The following KCNIP4 variants were observed in gnomAD, a reference collection of about 807,000 sequenced individuals.
KCNIP4 encodes potassium voltage-gated channel interacting protein 4.
A neutral mutation model predicts 34.0 loss-of-function variants in KCNIP4; 12 were observed. That is an observed-to-expected ratio of 0.35 (90% confidence interval 0.23 to 0.57). The LOEUF is 0.57. KCNIP4 is among the 20% of genes least tolerant of loss of function. The pLI, the probability that KCNIP4 is intolerant of heterozygous loss-of-function variation, is 0.83. For synonymous variants in KCNIP4, 124 were observed against 102.2 expected (o/e 1.21, Z -1.29); for missense variants, 238 against 311.7 (o/e 0.76, Z 1.78).
chr4:20,824,212 G>A (rs995377553), intron 3 of KCNIP4, among the ~76,000 whole-genome samples: 1 of 152,204 alleles, frequency 6.6e-6, no homozygotes, highest in Non-Finnish European at 1.5e-5. Context: ...GTGTCTGTGT[G>A]TGTGTATGTG....
At chr4:21,225,959 C>A in intron 1 of KCNIP4, among the ~76,000 whole-genome samples, 1 of 151,952 alleles carries the variant, frequency 6.6e-6, no homozygotes, top group Non-Finnish European at 1.5e-5. Flanking sequence ...CTTCAACAAT[C>A]TGTGACAAAG....
chr4:20,834,382 A>G (rs1239584861), intron 3 of KCNIP4, among the ~76,000 whole-genome samples: 1 of 152,222 alleles, frequency 6.6e-6, no homozygotes, highest in Non-Finnish European at 1.5e-5. Context: ...TGGGTAAGCC[A>G]GACAGCAGCA....
At chr4:21,139,097 G>T (rs1378187006) in intron 1 of KCNIP4, among the ~76,000 whole-genome samples, 2 of 152,098 alleles carry the variant, frequency 1.3e-5, no homozygotes, top group Admixed American at 6.5e-5. Flanking sequence ...TTTAACTTGG[G>T]TTTGCATGTT....
intron 1 of KCNIP4, among the ~76,000 whole-genome samples, chr4:21,823,062 T>C (rs1364891618): frequency 6.6e-6 from 1 of 152,094 alleles, no homozygotes; most frequent in Admixed American, 6.6e-5. Context: ...TTAAATATAA[T>C]TTTCCTGATT....
At chr4:21,717,042 A>C (rs1560659591) in intron 1 of KCNIP4, among the ~76,000 whole-genome samples, 1 of 152,030 alleles carries the variant, frequency 6.6e-6, no homozygotes, top group Non-Finnish European at 1.5e-5. Context: ...ATGCCTGCAA[A>C]TCTCACCTTT....
chr4:21,199,732 A>ACATGCACACACATGTTTATTGCAG (rs1560802750), intron 1 of KCNIP4, among the ~76,000 whole-genome samples: 1 of 151,116 alleles, frequency 6.6e-6, no homozygotes, highest in Non-Finnish European at 1.5e-5. Flanking sequence ...CTATAAAGAT[A>ACATGCACACACATGTTTATTGCAG]CATGCACACA....
chr4:21,253,844 T>C (rs1760882753), intron 1 of KCNIP4, among the ~76,000 whole-genome samples: 1 of 152,146 alleles, frequency 6.6e-6, no homozygotes, highest in African/African-American at 2.4e-5. Flanking sequence ...ACCAGCTAGA[T>C]ATGTGGGATG....
intron 1 of KCNIP4, among the ~76,000 whole-genome samples, chr4:21,156,774 T>G (rs1577802651): frequency 6.6e-6 from 1 of 151,990 alleles, no homozygotes; most frequent in East Asian, 1.9e-4. Context: ...GGTGATACTG[T>G]TTTTTTTAAT....
chr4:21,318,345 T>C (rs1388645477), intron 1 of KCNIP4, among the ~76,000 whole-genome samples: 1 of 152,174 alleles, frequency 6.6e-6, no homozygotes, highest in Non-Finnish European at 1.5e-5. Flanking sequence ...CTGGAATAAT[T>C]GGAAGTTCAC....
At position 21,461,205 on chromosome 4, in the gene KCNIP4, T is replaced by A. The variant is rs78775279; in HGVS notation, c.61+487366A>T. Among the ~76,000 whole-genome samples the A allele has an allele frequency of 7.0e-3, 1,065 of 152,048 alleles. 49 individuals are homozygous for A. In the East Asian group the frequency reaches 0.12, roughly 17 times the overall value. ...TCTGGCTGTTTAAAAGTGTTCAGCA[T>A]TCCCTGTGTCTCGCTCTCTCTCCAC... On this transcript the variant is annotated intron_variant, in intron 1 of 8. Coordinates refer to ENST00000382152, the MANE Select transcript of KCNIP4 (RefSeq NM_025221.6).
At chr4:21,541,403 G>C (rs1036472269) in intron 1 of KCNIP4, among the ~76,000 whole-genome samples, 1 of 152,100 alleles carries the variant, frequency 6.6e-6, no homozygotes, top group African/African-American at 2.4e-5. Flanking sequence ...CTGAGGGAAT[G>C]TTTATTCTAG....
intron 1 of KCNIP4, among the ~76,000 whole-genome samples, chr4:21,884,969 T>C (rs757268121): frequency 3.1e-4 from 47 of 152,170 alleles, no homozygotes; most frequent in Middle Eastern, 3.4e-3. Context: ...ACTACTGTTA[T>C]TTTCAAACTT....
In KCNIP4 at chr4:21,208,610, C is replaced by T. The variant is rs113992210; in HGVS notation, c.62-325901G>A. The stretch of plus-strand genomic sequence containing the variant: ...CTGGTCATTGACGGTCTTTTTTTCC[C>T]CTTCTGCTTATTTTCTTTCTAGTGT... On this transcript the variant is annotated intron_variant, in intron 1 of 8. Transcript: ENST00000382152. Among the ~76,000 whole-genome samples the T allele has an allele frequency of 8.7e-3, 1,330 of 152,066 alleles. 19 individuals are homozygous for T. The highest frequency in any genetic ancestry group is 0.03 in the African/African-American group (1,254 of 41,492).
chr4:20,988,000 C>CAAAAAAAAAAAAAAGAAAA (rs1736739296), intron 1 of KCNIP4, among the ~76,000 whole-genome samples: 1 of 46,318 alleles, frequency 2.2e-5, no homozygotes, highest in Non-Finnish European at 4.0e-5. Context: ...GATTCCATCT[C>CAAAAAAAAAAAAAAGAAAA]AAAAAAAAAA....
chr4:21,218,864 A>C (rs1757798015), intron 1 of KCNIP4, among the ~76,000 whole-genome samples: 1 of 152,140 alleles, frequency 6.6e-6, no homozygotes, highest in Admixed American at 6.6e-5. Context: ...TATATGTGGG[A>C]GTATTAACTC....
At chr4:21,784,729 G>A (rs997928540) in intron 1 of KCNIP4, among the ~76,000 whole-genome samples, 1 of 152,104 alleles carries the variant, frequency 6.6e-6, no homozygotes, top group African/African-American at 2.4e-5. Flanking sequence ...TAAAAATGCA[G>A]AATTTACCAT....
intron 3 of KCNIP4, among the ~76,000 whole-genome samples, chr4:20,813,344 A>G (rs1240328626): frequency 6.6e-6 from 1 of 152,152 alleles, no homozygotes; most frequent in Non-Finnish European, 1.5e-5. Context: ...GGATACCAGA[A>G]CACAGCATCA....
At chr4:20,790,340 C>G (rs778488610) in intron 3 of KCNIP4, among the ~76,000 whole-genome samples, 6 of 152,094 alleles carry the variant, frequency 3.9e-5, no homozygotes, top group Admixed American at 1.3e-4. Context: ...CTGTACACTA[C>G]TGTAGAATTT....
At chr4:21,400,512 CCTCTTCTCTTCTCTTCTCTT>C (rs151019011) in intron 1 of KCNIP4, among the ~76,000 whole-genome samples, 9,883 of 104,488 alleles carry the variant, frequency 0.095, 682 homozygotes, top group Non-Finnish European at 0.12. Flanking sequence ...CCCCTCCCTT[CCTCTTCTCTTCTCTTCTCTT>C]CTCTTCTCTT....
Sources: gnomAD v4.1 joint callset for allele counts (sites outside exome capture counted in the v4.1 genomes callset) on GRCh38, gnomAD v4.1.1 for gene constraint, MANE v1.5 for transcripts, NCBI Gene and HGNC (gene_info 2026-07-23, HGNC 2026-07-21) for gene names.